Variants in BCAS3 observed in about 807,000 individuals in gnomAD.
The protein encoded by BCAS3 is BCAS4/BCAS3 fusion.
In BCAS3, 53 loss-of-function variants were observed where a neutral mutation model predicts 116.1. The ratio of observed to expected loss-of-function variants is 0.46; its 90% CI spans 0.37 to 0.57. BCAS3 has a LOEUF of 0.57. BCAS3 is among the 20% of genes least tolerant of loss of function. The pLI is 0.00. For synonymous variants in BCAS3, 391 were observed against 408.2 expected, an observed-to-expected ratio of 0.96 and a Z score of 0.51; for missense variants, 917 against 1,165.4, an observed-to-expected ratio of 0.79 and a Z score of 3.10.
At chr17:61,338,501 CT>C (rs2056896329) in intron 22 of BCAS3, among the ~76,000 whole-genome samples, 1 of 151,364 alleles carries the variant, frequency 6.6e-6, no homozygotes, top group African/African-American at 2.4e-5. Context: ...TTGTGGTGAC[CT>C]GTTGGGATTG....
At chr17:60,930,455 C>T (rs2059586224) in intron 13 of BCAS3, among the ~76,000 whole-genome samples, 5 of 152,072 alleles carry the variant, frequency 3.3e-5, no homozygotes, top group Admixed American at 3.3e-4. Context: ...TTTTAGTCTT[C>T]ATTCATTCAT....
chr17:61,017,426 C>T lies in BCAS3; in HGVS notation c.1637+1525C>T, dbSNP rs1191304319. On this transcript the variant is annotated intron_variant, in intron 16 of 23. Coordinates refer to ENST00000407086, the MANE Select transcript of BCAS3 (RefSeq NM_017679.5). The surrounding 1 kb of genome is among the most constrained non-coding windows in gnomAD (Gnocchi z 4.7). The stretch of plus-strand genomic sequence containing the variant: ...AAAGTACTTACAAATTTTAGCCTGT[C>T]TTTTCTGAATCTAAGTGAAACCATC... Among the ~76,000 whole-genome samples, 1 of 152,114 alleles carries T rather than the reference C, an allele frequency of 6.6e-6. No homozygotes were observed. Among genetic ancestry groups the T allele is most frequent in the African/African-American group, 2.4e-5 (1 of 41,430 alleles).
Position 61,235,789 on chromosome 17 carries a change from A to G in BCAS3, c.2426-132538A>G, listed in dbSNP as rs924505111. Among the ~76,000 whole-genome samples the G allele has an allele frequency of 4.6e-5, 7 of 151,982 alleles. No individual in the cohort carries two copies. The highest frequency in any genetic ancestry group is 5.9e-5 in the Non-Finnish European group (4 of 68,008). ...GCAAAAGAGATGTGGAGACTGGGGG[A>G]AAAGGACTGATTATATGTTAGCTTA... On this transcript the variant is annotated intron_variant, in intron 22 of 23. Coordinates refer to ENST00000407086, the MANE Select transcript of BCAS3 (RefSeq NM_017679.5). The surrounding 1 kb of genome is among the most constrained non-coding windows in gnomAD (Gnocchi z 5.0).
chr17:61,038,086 A>G (rs1401701302), intron 18 of BCAS3, 32 bp downstream of exon 18: 2 of 1,584,278 alleles, frequency 1.3e-6, no homozygotes, highest in Non-Finnish European at 8.6e-7. Flanking sequence ...TCTTTTTAAC[A>G]GCTTCATTAA....
intron 14 of BCAS3, among the ~76,000 whole-genome samples, chr17:60,958,248 T>C (rs1185285816): frequency 6.6e-6 from 1 of 152,134 alleles, no homozygotes; most frequent in East Asian, 1.9e-4. Context: ...AGAGGAGACA[T>C]GCGAACAAAG....
Position 61,368,928 on chromosome 17 carries a change from C to T in BCAS3, c.2593+434C>T, listed in dbSNP as rs1456922021. 1.3e-5 allele frequency among the ~76,000 whole-genome samples: 2 copies of T among 152,148 alleles called. No individual in the cohort carries two copies. The highest frequency in any genetic ancestry group is 2.9e-5 in the Non-Finnish European group (2 of 68,026). On this transcript the variant is annotated intron_variant, in intron 23 of 23. Coordinates refer to ENST00000407086, the MANE Select transcript of BCAS3 (RefSeq NM_017679.5). The surrounding 1 kb of genome is among the most constrained non-coding windows in gnomAD (Gnocchi z 6.0). ...GAAGCAGGCTGGGCTGGTTTCAGCC[C>T]CTACCAGCTTTTCCTCATGCTGCCT...
intron 14 of BCAS3, among the ~76,000 whole-genome samples, chr17:60,959,152 A>G (rs2061291172): frequency 6.6e-6 from 1 of 151,968 alleles, no homozygotes; most frequent in African/African-American, 2.4e-5. Context: ...AAAAGCAAAA[A>G]AAAAGTTAGC....
intron 22 of BCAS3, among the ~76,000 whole-genome samples, chr17:61,107,201 C>T (rs1241561191): frequency 6.6e-6 from 1 of 151,438 alleles, no homozygotes; most frequent in South Asian, 2.1e-4. Context: ...ATTCTTCTGC[C>T]TCAGCCTCCT....
chr17:60,682,472 A>C (rs2033313675), intron 2 of BCAS3, among the ~76,000 whole-genome samples: 1 of 152,130 alleles, frequency 6.6e-6, no homozygotes, highest in Non-Finnish European at 1.5e-5. Flanking sequence ...ATTATTTTCA[A>C]GTGTGATTTT....
chr17:60,697,609 G>A (rs577463391), intron 4 of BCAS3, among the ~76,000 whole-genome samples: 2 of 150,284 alleles, frequency 1.3e-5, no homozygotes, highest in Non-Finnish European at 1.5e-5. Context: ...AAAAAGATTC[G>A]GTTTCACTTT....
At chr17:61,230,885 G>A (rs1365781792) in intron 22 of BCAS3, among the ~76,000 whole-genome samples, 1 of 151,730 alleles carries the variant, frequency 6.6e-6, no homozygotes, top group Non-Finnish European at 1.5e-5. Flanking sequence ...TTTCCACAAC[G>A]GCTGAACTAG....
intron 22 of BCAS3, among the ~76,000 whole-genome samples, chr17:61,360,376 T>G (rs545671422): frequency 6.6e-6 from 1 of 152,192 alleles, no homozygotes; most frequent in Non-Finnish European, 1.5e-5. Context: ...AAGCCAAATA[T>G]TTGTTTCCCT....
intron 22 of BCAS3, among the ~76,000 whole-genome samples, chr17:61,234,961 C>G (rs906072428): frequency 5.9e-5 from 9 of 152,102 alleles, no homozygotes; most frequent in African/African-American, 2.2e-4. Context: ...GATCTCGGCT[C>G]ACTGCAACTT....
rs1352576468 is a variant in BCAS3, at chr17:61,367,349, A to C, written c.2426-978A>C. On this transcript the variant is annotated intron_variant, in intron 22 of 23. Transcript: ENST00000407086. This position sits in a 1 kb window ranked among gnomAD's most constrained non-coding sequence, Gnocchi z 6.2. ...CTCCTTCCGAGAGAGAGTGGATGAAATAAGCTTTCACAGAAGACTTGCTGT... is the reference window on the plus strand; with the variant it reads ...CTCCTTCCGAGAGAGAGTGGATGAACTAAGCTTTCACAGAAGACTTGCTGT... 6.6e-6 allele frequency among the ~76,000 whole-genome samples: 1 copy of C among 152,360 alleles called. No homozygotes were observed. Among genetic ancestry groups the C allele is most frequent in the African/African-American group, 2.4e-5 (1 of 41,578 alleles).
rs557601865 is a variant in BCAS3, at chr17:61,199,780, T to A, written c.2425+115216T>A. On this transcript the variant is annotated intron_variant, in intron 22 of 23. Transcript: ENST00000407086. This position sits in a 1 kb window ranked among gnomAD's most constrained non-coding sequence, Gnocchi z 4.6. ...CAGGAATGTTGTCCTCAGCAATAGA[T>A]CCTATCTCTATCCCTTTTCCAAAAG... Among the ~76,000 whole-genome samples, 8 of 152,290 alleles carry A rather than the reference T, an allele frequency of 5.3e-5. No homozygotes were observed. The highest frequency in any genetic ancestry group is 1.9e-4 in the African/African-American group (8 of 41,580).
Position 61,204,444 on chromosome 17 carries a change from A to T in BCAS3, c.2425+119880A>T, listed in dbSNP as rs1333063363. Among the ~76,000 whole-genome samples, 6 of 152,154 alleles carry T rather than the reference A, an allele frequency of 3.9e-5. No homozygotes were observed. Among genetic ancestry groups the T allele is most frequent in the Non-Finnish European group, 8.8e-5 (6 of 68,020 alleles). On this transcript the variant is annotated intron_variant, in intron 22 of 23. Coordinates refer to ENST00000407086, the MANE Select transcript of BCAS3 (RefSeq NM_017679.5). The surrounding 1 kb of genome is among the most constrained non-coding windows in gnomAD (Gnocchi z 4.2). ...ATTTGTCTTTTTTTCCCACATTCAT[A>T]TTTGACTGCGCATTATGTGAAAAAT...
intron 6 of BCAS3, among the ~76,000 whole-genome samples, chr17:60,753,400 T>TTTAC (rs1295795646): frequency 2.0e-5 from 3 of 147,564 alleles, no homozygotes; most frequent in Non-Finnish European, 3.0e-5. Flanking sequence ...TATTTATTTA[T>TTTAC]TTATTTATTT....
chr17:61,082,751 C>G lies in BCAS3; in HGVS notation c.2328-1716C>G, dbSNP rs147464041. Among the ~76,000 whole-genome samples the G allele has an allele frequency of 1.3e-5, 2 of 152,132 alleles. No homozygotes were observed. The highest frequency in any genetic ancestry group is 4.8e-5 in the African/African-American group (2 of 41,410). On this transcript the variant is annotated intron_variant, in intron 21 of 23. Coordinates refer to ENST00000407086, the MANE Select transcript of BCAS3 (RefSeq NM_017679.5). The surrounding 1 kb of genome is among the most constrained non-coding windows in gnomAD (Gnocchi z 5.1). ...TACCTATCCCCTAACTAACCACTGC[C>G]GAGATGTGATGAGATTACCATGATT...
At position 60,932,638 on chromosome 17, in the gene BCAS3, A is replaced by C. The variant is rs2059710480; in HGVS notation, c.1087+8138A>C. ...GCACCTGTAGTCTCAGCTGCTTGGG[A>C]GACTGAGGCAGAAGAATGGCATGAA... On this transcript the variant is annotated intron_variant, in intron 13 of 23. Transcript: ENST00000407086. Among the ~76,000 whole-genome samples, 3 of 148,408 alleles carry C rather than the reference A, an allele frequency of 2.0e-5. No homozygotes were observed. In the South Asian group the frequency reaches 6.6e-4, roughly 33 times the overall value.
Sources: gnomAD v4.1 joint callset for allele counts (sites outside exome capture counted in the v4.1 genomes callset) on GRCh38, gnomAD v4.1.1 for gene constraint, Gnocchi (gnomAD v3.1) non-coding constraint, MANE v1.5 for transcripts, NCBI Gene and HGNC (gene_info 2026-07-23, HGNC 2026-07-21) for gene names.